ITGAV: variants seen among roughly 807,000 people sequenced by gnomAD.
ITGAV encodes integrin subunit alpha V.
ITGAV carries 76 observed loss-of-function variants against 143.8 expected under a neutral mutation model. The observed-to-expected ratio is 0.53, with a 90% CI of 0.44 to 0.64. ITGAV has a LOEUF of 0.64. ITGAV is among the 30% of genes least tolerant of loss of function. ITGAV has a pLI of 0.00. For missense variants in ITGAV, 1,193 were observed against 1,274.7 expected, an observed-to-expected ratio of 0.94 and a Z score of 0.98; for synonymous variants, 453 against 446.7, an observed-to-expected ratio of 1.01 and a Z score of -0.18.
intron 18 of ITGAV, among the ~76,000 whole-genome samples, chr2:186,660,313 A>G (rs1464233591): frequency 6.6e-6 from 1 of 152,220 alleles, no homozygotes; most frequent in African/African-American, 2.4e-5. Context: ...GAATAACTGC[A>G]GTAATATTTG....
At position 186,665,214 on chromosome 2, in the gene ITGAV, C is replaced by T; in HGVS notation, c.2162C>T (p.Thr721Ile). Reference sequence around the variant, plus strand: ...CTTGGAAACCCAATGAAGGCTGGAACTCAAGTAAGACAATTTAATTAAACG... The same window carrying T: ...CTTGGAAACCCAATGAAGGCTGGAATTCAAGTAAGACAATTTAATTAAACG... ...CDLGNPMKAG[T>I]QLLAGLRFSV... Residue 721 changes from threonine to isoleucine, a missense_variant, in exon 21 of 30, where the codon ACT becomes ATT. Physicochemically the swap from Thr to Ile is moderately conservative, Grantham distance 89. Coordinates refer to ENST00000261023, the MANE Select transcript of ITGAV (RefSeq NM_002210.5). 1 of 1,600,214 alleles carries T rather than the reference C, an allele frequency of 6.2e-7. No homozygotes were observed. Among genetic ancestry groups the T allele is most frequent in the Non-Finnish European group, 8.6e-7 (1 of 1,168,280 alleles).
Position 186,590,249 on chromosome 2 carries a change from C to G in ITGAV, c.-90C>G. 1 of 1,163,962 alleles carries G rather than the reference C, an allele frequency of 8.6e-7. No homozygotes were observed. The highest frequency in any genetic ancestry group is 1.1e-6 in the Non-Finnish European group (1 of 892,402). 72.1% of individuals were successfully genotyped at this position (1,163,962 alleles called of 1,614,324 possible). ...AGCGGCCGGCAAGTTTGGGCGCGCG[C>G]AGGCGGCGGGCCGCGGGCACTGGGC... On this transcript the variant is annotated 5_prime_UTR_variant, in exon 1 of 30. Transcript: ENST00000261023.
intron 12 of ITGAV, among the ~76,000 whole-genome samples, chr2:186,645,184 G>A (rs143216347): frequency 4.3e-4 from 65 of 152,208 alleles, no homozygotes; most frequent in African/African-American, 1.3e-3. Context: ...ATAGAGTTTC[G>A]GGATAGAGAG....
chr2:186,636,432 T>C (rs1463785860), intron 7 of ITGAV, among the ~76,000 whole-genome samples: 4 of 152,236 alleles, frequency 2.6e-5, no homozygotes, highest in African/African-American at 9.6e-5. Flanking sequence ...TAATAATAGC[T>C]AGCCTTTAAG....
chr2:186,652,735 A>G (rs1559060671), intron 15 of ITGAV, among the ~76,000 whole-genome samples: 3 of 152,096 alleles, frequency 2.0e-5, no homozygotes, highest in Non-Finnish European at 4.4e-5. Flanking sequence ...CTGATTTAAT[A>G]TCTATGAACA....
Position 186,652,094 on chromosome 2 carries a change from G to A in ITGAV, c.1505+5G>A. 1 of 1,528,254 alleles carries A rather than the reference G, an allele frequency of 6.5e-7. No homozygotes were observed. Among genetic ancestry groups the A allele is most frequent in the Non-Finnish European group, 9.1e-7 (1 of 1,104,208 alleles). The allele number at this position is 1,528,254 out of a possible 1,614,324, so 94.7% of individuals were successfully genotyped here. ...AACAGCTCTCAAAGTTTCCTGGTAA[G>A]GGTATTTGTTTAATAATAGTTATTA... On this transcript the variant is annotated splice_donor_5th_base_variant and intron_variant, in intron 15 of 29. Transcript: ENST00000261023.
At chr2:186,591,539 T>TGAA (rs1686616521) in intron 1 of ITGAV, among the ~76,000 whole-genome samples, 1 of 152,234 alleles carries the variant, frequency 6.6e-6, no homozygotes, top group Non-Finnish European at 1.5e-5. Flanking sequence ...CCATATTTTC[T>TGAA]GTATAAGATA....
In ITGAV at chr2:186,669,698, T is replaced by C. The variant is rs1172622804; in HGVS notation, c.2593-3T>C. ...CACCATTTTATTAATGTGATTGCAT[T>C]AGATCTCATCTTTGCAAACAACTGA... On this transcript the variant is annotated splice_polypyrimidine_tract_variant and splice_region_variant and intron_variant, in intron 25 of 29. Transcript: ENST00000261023. 6.2e-7 allele frequency: 1 copy of C among 1,602,982 alleles called. No individual in the cohort carries two copies. The highest frequency in any genetic ancestry group is 2.2e-5 in the East Asian group (1 of 44,806).
chr2:186,665,324 C>A, intron 21 of ITGAV, 106 bp downstream of exon 21: 1 of 719,124 alleles, frequency 1.4e-6, no homozygotes. Context: ...AAACAATGTC[C>A]TTAAATTGGT....
At chr2:186,624,284 A>G (rs1342793567) in intron 3 of ITGAV, among the ~76,000 whole-genome samples, 2 of 152,190 alleles carry the variant, frequency 1.3e-5, no homozygotes, top group African/African-American at 4.8e-5. Flanking sequence ...TTAATTATTT[A>G]CGTAGTATTT....
chr2:186,602,230 C>A (rs1686930203), intron 2 of ITGAV, 79 bp downstream of exon 2: 3 of 1,188,474 alleles, frequency 2.5e-6, no homozygotes, highest in African/African-American at 1.5e-5. Flanking sequence ...TAAATGTAGC[C>A]ATTTAATACA....
chr2:186,651,911 C>T, intron 14 of ITGAV, 71 bp from the exon 15 acceptor site: 2 of 872,824 alleles, frequency 2.3e-6, no homozygotes, highest in East Asian at 2.6e-5. Flanking sequence ...TGAATATGAA[C>T]CAAAAATATT....
intron 25 of ITGAV, 137 bp from the exon 26 acceptor site, chr2:186,669,564 A>G: frequency 1.6e-6 from 1 of 644,160 alleles, no homozygotes; most frequent in South Asian, 1.9e-5. Flanking sequence ...CTCACTATAT[A>G]CTGAGTGGTA....
chr2:186,620,883 C>T (rs908105846), intron 2 of ITGAV, among the ~76,000 whole-genome samples: 45 of 152,124 alleles, frequency 3.0e-4, no homozygotes, highest in African/African-American at 1.0e-3. Context: ...GGGAGAAAAA[C>T]GTACATATAT....
intron 4 of ITGAV, 91 bp downstream of exon 4, chr2:186,625,678 T>TGTGTGTGA (rs5836988): frequency 0.28 from 122,010 of 438,786 alleles, 8,408 homozygotes; most frequent in Non-Finnish European, 0.3. Flanking sequence ...TGTGTGTGTG[T>TGTGTGTGA]GAGAGAGAGA....
intron 12 of ITGAV, 63 bp from the exon 13 acceptor site, chr2:186,646,623 C>T (rs1688267462): frequency 1.6e-6 from 2 of 1,260,620 alleles, no homozygotes; most frequent in East Asian, 2.4e-5. Context: ...CTCATTCTTC[C>T]CTTTCTTTTC....
chr2:186,614,969 C>T (rs1038114231), intron 2 of ITGAV, among the ~76,000 whole-genome samples: 1 of 152,014 alleles, frequency 6.6e-6, no homozygotes, highest in African/African-American at 2.4e-5. Context: ...TCCAGAGCAT[C>T]TCCATTTACC....
intron 3 of ITGAV, among the ~76,000 whole-genome samples, chr2:186,625,235 G>C (rs1481350134): frequency 5.3e-5 from 8 of 151,918 alleles, no homozygotes; most frequent in Non-Finnish European, 1.2e-4. Flanking sequence ...AATTAGCCAG[G>C]CATGGTGGCA....
At position 186,625,678 on chromosome 2, in the gene ITGAV, T is replaced by A. The variant is rs72903183; in HGVS notation, c.523+91T>A. 5.9e-3 allele frequency: 2,693 copies of A among 453,118 alleles called. 10 individuals carry two copies. Among genetic ancestry groups the A allele is most frequent in the African/African-American group, 0.011 (535 of 49,010 alleles). 28.1% of individuals were successfully genotyped at this position (453,118 alleles called of 1,614,324 possible). A position where few individuals can be genotyped will look rare whatever the true frequency, so the allele number is the denominator to read the frequency against. Reference sequence around the variant, plus strand: ...GTGTGTGTGGGTGTGTGTGTGTGTGTGAGAGAGAGAGATATTAAAAGATAT... The same window carrying A: ...GTGTGTGTGGGTGTGTGTGTGTGTGAGAGAGAGAGAGATATTAAAAGATAT... On this transcript the variant is annotated intron_variant, in intron 4 of 29. Transcript: ENST00000261023.
Sources: gnomAD v4.1 joint callset for allele counts (sites outside exome capture counted in the v4.1 genomes callset) on GRCh38, gnomAD v4.1.1 for gene constraint, MANE v1.5 for transcripts, NCBI Gene and HGNC (gene_info 2026-07-23, HGNC 2026-07-21) for gene names.